Variants in HAUS6 observed in about 807,000 individuals in gnomAD.
HAUS6 encodes HAUS augmin-like complex subunit 6.
HAUS6 carries 80 observed loss-of-function variants against 106.8 expected under a neutral mutation model. That is an observed-to-expected ratio of 0.75 (90% CI 0.63 to 0.90). The LOEUF (loss-of-function observed/expected upper bound fraction) is 0.90. Among genes scored for constraint, HAUS6 ranks in the 40% least tolerant of loss-of-function variants. The pLI, the probability that HAUS6 is intolerant of heterozygous loss-of-function variation, is 0.00. For missense variants in HAUS6, 1,155 were observed against 1,118.1 expected (o/e 1.03, Z -0.47); for synonymous variants, 356 against 379.1 (o/e 0.94, Z 0.71).
rs749297271 is a variant in HAUS6 at position 19,102,490 on chromosome 9, G to A, written c.128+34C>T. On this transcript the variant is annotated intron_variant, in intron 1 of 16. Coordinates refer to ENST00000380502, the MANE Select transcript of HAUS6 (RefSeq NM_017645.5). ...GAGTCCCCCGGCGTCCCCCGGTTCAGGCTCCCTCGCCCCGCCGGCCCCGGC... is the reference window on the plus strand; with the variant it reads ...GAGTCCCCCGGCGTCCCCCGGTTCAAGCTCCCTCGCCCCGCCGGCCCCGGC... 3.5e-5 allele frequency: 57 copies of A among 1,606,736 alleles called. No individual in the cohort carries two copies. The Admixed American group carries it at 7.3e-4, about 21-fold the overall frequency.
In HAUS6 at chr9:19,087,153, T is replaced by A. The variant is rs777031565; in HGVS notation, c.588A>T (p.Leu196Phe). The A allele has an allele frequency of 6.8e-6, 10 of 1,476,698 alleles. No homozygotes were observed. The South Asian group carries it at 1.1e-4, about 17-fold the overall frequency. 91.5% of individuals were successfully genotyped at this position (1,476,698 alleles called of 1,614,324 possible). A position where few individuals can be genotyped will look rare whatever the true frequency, so the allele number is the denominator to read the frequency against. ...VTQKYQENAQ[L>F]SVKQVRNLRS... ...TCAAGTTTCGTACCTGCTTAACTGATAATCTGCAAGAAAACATACAAAATG... is the reference window on the plus strand; with the variant it reads ...TCAAGTTTCGTACCTGCTTAACTGAAAATCTGCAAGAAAACATACAAAATG... The change falls in exon 6 of 17, where the codon TTA (leucine) becomes TTT (phenylalanine). Residue 196 changes from leucine (L) to phenylalanine (F), a missense_variant. Leu to Phe is a conservative substitution (Grantham distance 22). Coordinates refer to ENST00000380502, the MANE Select transcript of HAUS6 (RefSeq NM_017645.5).
Position 19,100,741 on chromosome 9 carries a change from G to A in HAUS6, c.128+1783C>T, listed in dbSNP as rs76282157. On this transcript the variant is annotated intron_variant, in intron 1 of 16. Transcript: ENST00000380502. ...GAAATTGTGGTATATATACACAATG[G>A]AATATTATTCAGCCACACAAAAAGA... Among the ~76,000 whole-genome samples the A allele has an allele frequency of 4.3e-4, 65 of 152,300 alleles. 1 individual carries two copies. In the East Asian group the frequency reaches 0.011, roughly 25 times the overall value.
At chr9:19,095,514 A>AC (rs901880315) in intron 2 of HAUS6, among the ~76,000 whole-genome samples, 6 of 152,088 alleles carry the variant, frequency 3.9e-5, no homozygotes, top group African/African-American at 1.4e-4. Flanking sequence ...CAAAAAAAAA[A>AC]AAAAATTAAA....
intron 12 of HAUS6, among the ~76,000 whole-genome samples, chr9:19,067,599 G>A (rs1283227214): frequency 4.6e-5 from 7 of 152,146 alleles, no homozygotes; most frequent in Non-Finnish European, 1.0e-4. Context: ...CCTATATTAA[G>A]AGTTTCCATT....
chr9:19,092,281 AC>A (rs1817767110), intron 4 of HAUS6, among the ~76,000 whole-genome samples: 1 of 137,856 alleles, frequency 7.3e-6, no homozygotes. Context: ...ATATGGTGTA[AC>A]CCTGGTATTA....
intron 9 of HAUS6, 145 bp from the exon 10 acceptor site, chr9:19,078,447 C>G: frequency 1.7e-6 from 1 of 576,090 alleles, no homozygotes; most frequent in Non-Finnish European, 3.1e-6. Context: ...ATTAAATAAA[C>G]TCTCACAGGT....
At chr9:19,088,941 G>C (rs1184795176) in intron 5 of HAUS6, among the ~76,000 whole-genome samples, 1 of 151,944 alleles carries the variant, frequency 6.6e-6, no homozygotes, top group Non-Finnish European at 1.5e-5. Flanking sequence ...AAATATTTTA[G>C]GCAGAAGTTA....
At chr9:19,069,624 G>C (rs112485847) in intron 12 of HAUS6, among the ~76,000 whole-genome samples, 9 of 152,206 alleles carry the variant, frequency 5.9e-5, no homozygotes, top group African/African-American at 2.2e-4. Context: ...TTGAACCCAG[G>C]AGGCGGGGAT....
chr9:19,086,060 C>T (rs2131140712), intron 7 of HAUS6, among the ~76,000 whole-genome samples: 1 of 152,058 alleles, frequency 6.6e-6, no homozygotes, highest in South Asian at 2.1e-4. Context: ...GCCTGTAATC[C>T]CAGCACTTTG....
intron 2 of HAUS6, 44 bp from the exon 3 acceptor site, chr9:19,094,439 GC>G: frequency 9.6e-7 from 1 of 1,037,152 alleles, no homozygotes; most frequent in Non-Finnish European, 1.4e-6. Context: ...CACAACAATA[GC>G]CAAAAAAAAA....
In HAUS6 at chr9:19,089,897, A is replaced by T. The variant is rs1817708760; in HGVS notation, c.437-338T>A. On this transcript the variant is annotated intron_variant, in intron 4 of 16. Transcript: ENST00000380502. Reference sequence around the variant, plus strand: ...GCCCAGGCTGGAGTGCAGTGGCACAAGCATAGGTCACTGCAGCCTCAACCT... The same window carrying T: ...GCCCAGGCTGGAGTGCAGTGGCACATGCATAGGTCACTGCAGCCTCAACCT... 3.3e-5 allele frequency among the ~76,000 whole-genome samples: 5 copies of T among 152,282 alleles called. 1 individual carries two copies. Among genetic ancestry groups the T allele is most frequent in the Admixed American group, 1.3e-4 (2 of 15,278 alleles).
At chr9:19,096,969 C>T (rs1040625804) in intron 1 of HAUS6, among the ~76,000 whole-genome samples, 200 bp from the exon 2 acceptor site, 1 of 152,058 alleles carries the variant, frequency 6.6e-6, no homozygotes, top group Non-Finnish European at 1.5e-5. Flanking sequence ...ATTCTGAAAA[C>T]ACAGATTCAA....
At chr9:19,081,235 A>T (rs1837141881) in intron 8 of HAUS6, among the ~76,000 whole-genome samples, 1 of 152,196 alleles carries the variant, frequency 6.6e-6, no homozygotes, top group African/African-American at 2.4e-5. Flanking sequence ...TGAAAACTAG[A>T]ATAAAAGAAA....
chr9:19,095,429 C>A (rs188587083), intron 2 of HAUS6, among the ~76,000 whole-genome samples: 1 of 150,386 alleles, frequency 6.6e-6, no homozygotes, highest in Non-Finnish European at 1.5e-5. Flanking sequence ...CCATGGTTGA[C>A]GGGTTTCAAA....
intron 8 of HAUS6, 89 bp from the exon 9 acceptor site, chr9:19,080,761 A>C: frequency 1.3e-6 from 1 of 748,860 alleles, no homozygotes; most frequent in Non-Finnish European, 2.2e-6. Context: ...TTTACTATTA[A>C]AGTTTACCTT....
At chr9:19,095,081 A>G (rs1166030767) in intron 2 of HAUS6, among the ~76,000 whole-genome samples, 5 of 152,024 alleles carry the variant, frequency 3.3e-5, no homozygotes, top group African/African-American at 1.2e-4. Flanking sequence ...AGAGAGAAAC[A>G]TAAACAGATA....
At chr9:19,097,621 G>T (rs892569766) in intron 1 of HAUS6, among the ~76,000 whole-genome samples, 5 of 152,106 alleles carry the variant, frequency 3.3e-5, no homozygotes, top group Non-Finnish European at 5.9e-5. Flanking sequence ...AAAGGATGTG[G>T]AGAAAGCACT....
In HAUS6 at chr9:19,058,745, G is replaced by C. The variant is rs10511670; in HGVS notation, c.2022C>G (p.His674Gln). 135,996 of 1,613,894 alleles carry C rather than the reference G, an allele frequency of 0.084. 6,139 individuals are homozygous for C. The highest frequency in any genetic ancestry group is 0.1 in the East Asian group (4,558 of 44,872). The change falls in exon 16 of 17, where the codon CAC (histidine) becomes CAG (glutamine). Residue 674 changes from histidine (H) to glutamine (Q), a missense_variant. His to Gln is a conservative substitution (Grantham distance 24). Around this residue, in one of 3 missense-constraint regions of HAUS6, gnomAD observed 380 missense variants for 394.8 expected, o/e 0.96. Coordinates refer to ENST00000380502, the MANE Select transcript of HAUS6 (RefSeq NM_017645.5). ...CVPQKHVLTS[H>Q]IDEPPTQNQS... ...GATTTTGTGTTGGTGGTTCATCTAT[G>C]TGACTGGTCAGCACATGTTTCTGAG...
intron 8 of HAUS6, among the ~76,000 whole-genome samples, chr9:19,082,288 T>A (rs1045127539): frequency 6.6e-6 from 1 of 152,216 alleles, no homozygotes; most frequent in Non-Finnish European, 1.5e-5. Flanking sequence ...CCTTTGAGAA[T>A]TTATAATGAA....
Sources: gnomAD v4.1 joint callset for allele counts (sites outside exome capture counted in the v4.1 genomes callset) on GRCh38, gnomAD v4.1.1 for gene constraint, gnomAD v4.1.1 regional missense constraint, MANE v1.5 for transcripts, NCBI Gene and HGNC (gene_info 2026-07-23, HGNC 2026-07-21) for gene names.